Variants in ORC1 observed in about 807,000 individuals in gnomAD.
ORC1 encodes the protein origin recognition complex subunit 1.
Under a neutral mutation model 98.9 loss-of-function variants are expected in ORC1, and 61 were observed. The observed-to-expected ratio is 0.62, with a 90% CI of 0.50 to 0.76. ORC1 has a LOEUF of 0.76. Among genes scored for constraint, ORC1 ranks in the 30% least tolerant of loss-of-function variants. ORC1 has a pLI of 0.00. For missense variants in ORC1, 979 were observed against 1,072.2 expected, an observed-to-expected ratio of 0.91 and a Z score of 1.21; for synonymous variants, 385 against 406.9, an observed-to-expected ratio of 0.95 and a Z score of 0.65.
At chr1:52,388,718 A>T in intron 7 of ORC1, 81 bp from the exon 8 acceptor site, 1 of 1,290,046 alleles carries the variant, frequency 7.8e-7, no homozygotes. Flanking sequence ...TGTGGATTAC[A>T]AGTATTGCAG....
intron 6 of ORC1, among the ~76,000 whole-genome samples, chr1:52,390,717 C>A (rs536604115): frequency 1.3e-5 from 2 of 151,864 alleles, no homozygotes; most frequent in African/African-American, 4.8e-5. Context: ...ACAGTGAAAC[C>A]CTGTCTCTAC....
At chr1:52,380,726 G>T (rs1379635744) in intron 14 of ORC1, among the ~76,000 whole-genome samples, 1 of 151,736 alleles carries the variant, frequency 6.6e-6, no homozygotes, top group Admixed American at 6.6e-5. Flanking sequence ...ATAAAAAAAG[G>T]ATCATTCAAA....
At chr1:52,404,114 G>A (rs1241361334) in intron 1 of ORC1, 132 bp downstream of exon 1, 1 of 153,312 alleles carries the variant, frequency 6.5e-6, no homozygotes, top group Non-Finnish European at 1.5e-5. Flanking sequence ...ACAGTGCCTG[G>A]CACTGAACAG....
chr1:52,404,584 G>A, upstream of ORC1: 1 of 617,040 alleles, frequency 1.6e-6, no homozygotes, highest in Admixed American at 3.4e-5. Context: ...TAGGCGACGC[G>A]GGGAGCGGAA....
At chr1:52,397,544 G>T in intron 4 of ORC1, 141 bp downstream of exon 4, 1 of 820,822 alleles carries the variant, frequency 1.2e-6, no homozygotes, top group African/African-American at 1.7e-5. Context: ...AGATGAAACA[G>T]ACAGGCAAGC....
chr1:52,384,354 A>T (rs1193179936), intron 11 of ORC1, among the ~76,000 whole-genome samples, 196 bp downstream of exon 11: 4 of 152,192 alleles, frequency 2.6e-5, no homozygotes, highest in African/African-American at 9.6e-5. Flanking sequence ...CCTGGCTTGT[A>T]ATCATTATCC....
intron 4 of ORC1, among the ~76,000 whole-genome samples, chr1:52,396,703 A>G (rs1647415727): frequency 6.6e-6 from 1 of 151,878 alleles, no homozygotes; most frequent in Admixed American, 6.6e-5. Context: ...CTCCTGGGTT[A>G]TTTTCACAGA....
chr1:52,407,407 A>G (rs903520351), upstream of ORC1, among the ~76,000 whole-genome samples: 4 of 152,078 alleles, frequency 2.6e-5, no homozygotes, highest in Non-Finnish European at 5.9e-5. Flanking sequence ...AGCACTTTCA[A>G]TGCATTTCTT....
chr1:52,406,010 A>C (rs1327336406), upstream of ORC1, among the ~76,000 whole-genome samples: 1 of 152,040 alleles, frequency 6.6e-6, no homozygotes, highest in African/African-American at 2.4e-5. Flanking sequence ...TGTTTTGGAA[A>C]CAGAGTCTCT....
At chr1:52,392,293 C>A (rs1393970792) in intron 6 of ORC1, among the ~76,000 whole-genome samples, 1 of 152,038 alleles carries the variant, frequency 6.6e-6, no homozygotes, top group African/African-American at 2.4e-5. Context: ...CCAAGCCCGG[C>A]TAATTTTTTA....
intron 6 of ORC1, among the ~76,000 whole-genome samples, chr1:52,391,612 C>G (rs1179803701): frequency 6.6e-6 from 1 of 151,922 alleles, no homozygotes; most frequent in Non-Finnish European, 1.5e-5. Flanking sequence ...AAAAAGTGGG[C>G]AAAGAGCTGG....
chr1:52,393,881 G>T, intron 5 of ORC1, 78 bp from the exon 6 acceptor site: 1 of 1,466,642 alleles, frequency 6.8e-7, no homozygotes, highest in Non-Finnish European at 9.4e-7. Context: ...GCCAAATTCA[G>T]CCACTGAGTT....
chr1:52,385,945 T>C lies in ORC1; in HGVS notation c.1388A>G (p.Lys463Arg). ...TLTKVPKKSL[K>R]PRTPRCAAPQ... is the part of the protein sequence containing the mutation. The stretch of plus-strand genomic sequence containing the variant: ...AGCGGCACAACGTGGCGTTCTAGGC[T>C]TGAGCTGTATTGAAAACAAAGAACA... Residue 463 changes from lysine to arginine, a missense_variant, in exon 9 of 17, where the codon AAG becomes AGG. Physicochemically the swap from Lys to Arg is conservative, Grantham distance 26. Coordinates refer to ENST00000371568, the MANE Select transcript of ORC1 (RefSeq NM_004153.4). 1 of 1,612,202 alleles carries C rather than the reference T, an allele frequency of 6.2e-7. No individual in the cohort carries two copies. Among genetic ancestry groups the C allele is most frequent in the Non-Finnish European group, 8.5e-7 (1 of 1,178,960 alleles).
intron 1 of ORC1, among the ~76,000 whole-genome samples, chr1:52,403,093 T>G (rs1647808680): frequency 6.6e-6 from 1 of 152,216 alleles, no homozygotes; most frequent in African/African-American, 2.4e-5. Context: ...GCTTTTGGTG[T>G]ACTTATTACA....
rs1186578053 is a variant in ORC1 at position 52,401,293 on chromosome 1, A to G, written c.223+69T>C. 6.9e-6 allele frequency: 11 copies of G among 1,592,274 alleles called. No individual in the cohort carries two copies. The East Asian group carries it at 2.2e-4, about 32-fold the overall frequency. ...CCTGCACACTGCTGTGAACAAAAGA[A>G]TCCACAATCTCCCCACCTCCCAATC... On this transcript the variant is annotated intron_variant, in intron 3 of 16. Coordinates refer to ENST00000371568, the MANE Select transcript of ORC1 (RefSeq NM_004153.4).
Position 52,381,767 on chromosome 1 carries a change from G to A in ORC1, c.2014-6C>T. The A allele has an allele frequency of 6.2e-7, 1 of 1,612,416 alleles. No homozygotes were observed. The highest frequency in any genetic ancestry group is 1.3e-5 in the African/African-American group (1 of 74,952). ...AAGCACATCCTGGTAAGACCCTGGGGAGCCAAAATGACAGAGGAATAAGTT... is the reference window on the plus strand; with the variant it reads ...AAGCACATCCTGGTAAGACCCTGGGAAGCCAAAATGACAGAGGAATAAGTT... On this transcript the variant is annotated splice_polypyrimidine_tract_variant and splice_region_variant and intron_variant, in intron 13 of 16. Coordinates refer to ENST00000371568, the MANE Select transcript of ORC1 (RefSeq NM_004153.4).
chr1:52,373,095 G>C lies in ORC1; in HGVS notation c.*86C>G, dbSNP rs2147905549. 1 of 1,365,490 alleles carries C rather than the reference G, an allele frequency of 7.3e-7. No individual in the cohort carries two copies. The highest frequency in any genetic ancestry group is 2.5e-4 in the Middle Eastern group (1 of 4,014). 84.6% of individuals were successfully genotyped at this position (1,365,490 alleles called of 1,614,324 possible). A position where few individuals can be genotyped will look rare whatever the true frequency, so the allele number is the denominator to read the frequency against. On this transcript the variant is annotated 3_prime_UTR_variant, in exon 17 of 17. Transcript: ENST00000371568. The stretch of plus-strand genomic sequence containing the variant: ...TGCAGTGAGCCATGATCGTGCCACT[G>C]CACTCCAGCCTGGGCGACAGAGCAA...
intron 14 of ORC1, among the ~76,000 whole-genome samples, chr1:52,380,421 C>G (rs1451875972): frequency 6.6e-6 from 1 of 152,192 alleles, no homozygotes; most frequent in East Asian, 1.9e-4. Context: ...ATTGGCCGAG[C>G]GCAGTGGCTT....
At chr1:52,389,910 G>A (rs929079859) in intron 6 of ORC1, among the ~76,000 whole-genome samples, 2 of 152,056 alleles carry the variant, frequency 1.3e-5, no homozygotes, top group Non-Finnish European at 2.9e-5. Context: ...GAAATAAAGG[G>A]CATCCGAATT....
Sources: gnomAD v4.1 joint callset for allele counts (sites outside exome capture counted in the v4.1 genomes callset) on GRCh38, gnomAD v4.1.1 for gene constraint, MANE v1.5 for transcripts, NCBI Gene and HGNC (gene_info 2026-07-23, HGNC 2026-07-21) for gene names.